MICAL3: variants seen among roughly 807,000 people sequenced by gnomAD.
The protein encoded by MICAL3 is [F-actin]-monooxygenase MICAL3.
A neutral mutation model predicts 207.4 loss-of-function variants in MICAL3; 62 were observed. The ratio of observed to expected loss-of-function variants is 0.30; its 90% CI spans 0.24 to 0.37. The LOEUF (loss-of-function observed/expected upper bound fraction) is 0.37, where lower values mean the gene tolerates loss of function less well. MICAL3 is among the 10% of genes least tolerant of loss of function. The pLI is 1.00. For missense variants in MICAL3, 2,368 were observed against 2,635.6 expected (o/e 0.90, Z 2.22); for synonymous variants, 1,077 against 1,069.3 (o/e 1.01, Z -0.14).
In MICAL3 at chr22:17,988,745, C is replaced by A. The variant is rs142848330; in HGVS notation, c.-75+35536G>T. ...TGCTGGGATTACAGGCATGAGCCAC[C>A]GCGCCTGGCCTGGTGTTTACATTTC... is the stretch of plus-strand genomic sequence containing the variant. On this transcript the variant is annotated intron_variant, in intron 1 of 31. Coordinates refer to ENST00000441493, the MANE Select transcript of MICAL3 (RefSeq NM_015241.3). 7.6e-3 allele frequency among the ~76,000 whole-genome samples: 1,159 copies of A among 152,330 alleles called. 19 individuals are homozygous for A. The highest frequency in any genetic ancestry group is 0.027 in the African/African-American group (1,112 of 41,572).
At chr22:17,958,572 A>G (rs914023329) in intron 1 of MICAL3, among the ~76,000 whole-genome samples, 1 of 152,230 alleles carries the variant, frequency 6.6e-6, no homozygotes. Flanking sequence ...GGCAAGCTGA[A>G]TCATCCGCCC....
At chr22:17,981,307 G>A (rs1213271911) in intron 1 of MICAL3, among the ~76,000 whole-genome samples, 12 of 145,814 alleles carry the variant, frequency 8.2e-5, no homozygotes, top group African/African-American at 3.0e-4. Context: ...TTTTTAATTT[G>A]GTCCAACTCT....
At chr22:17,946,370 C>A (rs759223533) in intron 1 of MICAL3, among the ~76,000 whole-genome samples, 5 of 152,252 alleles carry the variant, frequency 3.3e-5, no homozygotes, top group African/African-American at 7.2e-5. Context: ...GCAACCAGGA[C>A]ACCGCCTGTG....
intron 27 of MICAL3, chr22:17,812,476 C>T (rs182225093): frequency 9.7e-5 from 95 of 983,028 alleles, no homozygotes; most frequent in Non-Finnish European, 1.1e-4. Flanking sequence ...ATGCATGCAA[C>T]GGTGACCAGC....
chr22:17,921,787 C>A (rs966487910), intron 1 of MICAL3, among the ~76,000 whole-genome samples: 18 of 152,192 alleles, frequency 1.2e-4, no homozygotes, highest in Non-Finnish European at 2.2e-4. Context: ...CCGCGCCCGG[C>A]TAGCTGTCCC....
intron 1 of MICAL3, among the ~76,000 whole-genome samples, chr22:17,959,686 TG>T (rs981688077): frequency 1.5e-4 from 23 of 152,196 alleles, no homozygotes; most frequent in Admixed American, 1.3e-3. Context: ...ACTGCCTACG[TG>T]TGGAAAATGG....
chr22:17,991,240 C>A (rs1000444719), intron 1 of MICAL3, among the ~76,000 whole-genome samples: 2 of 152,152 alleles, frequency 1.3e-5, no homozygotes, highest in Admixed American at 1.3e-4. Context: ...TGCCTCTGAG[C>A]CTGCGTGTGT....
chr22:17,847,304 A>G (rs767034011), intron 19 of MICAL3, among the ~76,000 whole-genome samples: 4 of 152,080 alleles, frequency 2.6e-5, no homozygotes, highest in Non-Finnish European at 2.9e-5. Flanking sequence ...TTCCTTCTTT[A>G]TGAGCTTGGG....
rs1924314584 is a variant in MICAL3, at chr22:18,019,705, A to AAAAAAG, written c.-75+4570_-75+4575dup. 1.7e-5 allele frequency: 3 copies of AAAAAAG among 175,414 alleles called. No homozygotes were observed. The Admixed American group carries it at 1.8e-4, about 11-fold the overall frequency. 10.9% of individuals were successfully genotyped at this position (175,414 alleles called of 1,614,324 possible). On this transcript the variant is annotated intron_variant, in intron 1 of 31. Transcript: ENST00000441493. ...GCAAGACTCTGTCTCAAAAATTAAA[A>AAAAAAG]AAAAAGAAAAAGAAAAAAAGGGTGA...
chr22:17,798,851 T>G (rs2061906042), intron 29 of MICAL3, among the ~76,000 whole-genome samples: 1 of 151,792 alleles, frequency 6.6e-6, no homozygotes, highest in Non-Finnish European at 1.5e-5. Flanking sequence ...TTTTTTGTAT[T>G]TTTAGTAGAG....
rs553966312 is a variant in MICAL3 at position 17,935,972 on chromosome 22, T to C, written c.-74-29086A>G. ...GAGAAATAGGAACGCTTTTACACTG[T>C]TGGTGGGAGTGTAAATTGATTCAAC... On this transcript the variant is annotated intron_variant, in intron 1 of 31. Transcript: ENST00000441493. 2.6e-5 allele frequency among the ~76,000 whole-genome samples: 4 copies of C among 152,290 alleles called. 1 individual carries two copies. The South Asian group carries it at 6.2e-4, about 24-fold the overall frequency.
intron 26 of MICAL3, 114 bp downstream of exon 26, chr22:17,817,197 C>T (rs2146006304): frequency 1.5e-6 from 2 of 1,322,718 alleles, no homozygotes; most frequent in East Asian, 2.5e-5. Flanking sequence ...CAGCACGGCT[C>T]CTGAGAACCC....
intron 19 of MICAL3, chr22:17,862,511 C>A (rs112575747): frequency 5.9e-6 from 5 of 844,356 alleles, no homozygotes; most frequent in African/African-American, 1.8e-5. Flanking sequence ...CTGCCCGCCT[C>A]GGCCTCCCAA....
chr22:17,863,421 C>G (rs1926722956), intron 19 of MICAL3: 1 of 985,398 alleles, frequency 1.0e-6, no homozygotes, highest in Non-Finnish European at 1.2e-6. Context: ...GTCTAGACCC[C>G]TTTGGTTATT....
chr22:17,862,097 G>T, intron 19 of MICAL3: 2 of 985,286 alleles, frequency 2.0e-6, no homozygotes. Flanking sequence ...TGGGACGTGG[G>T]TCTAGGGAGG....
chr22:17,842,240 G>C (rs550629026), intron 19 of MICAL3: 56 of 582,690 alleles, frequency 9.6e-5, no homozygotes, highest in Middle Eastern at 9.1e-4. Context: ...CTCCAGGTCA[G>C]AGCGTTCTCT....
rs1200766284 is a variant in MICAL3 at position 17,832,045 on chromosome 22, G to T, written c.2864C>A (p.Pro955Gln). Residue 955 changes from proline (P) to glutamine (Q), a missense_variant, in exon 21 of 32, where the codon CCA becomes CAA. Around this residue, in one of 4 missense-constraint regions of MICAL3, gnomAD observed 1,770 missense variants for 1,863.2 expected, o/e 0.95. Transcript: ENST00000441493. ...EEEEEEPRLP[P>Q]SDLGGVPWKE... is the part of the protein sequence containing the mutation. ...CCACGGAACACCACCCAGGTCAGATGGGGGCAGGCGAGGCTCCTCCTCCTC... is the reference window on the plus strand; with the variant it reads ...CCACGGAACACCACCCAGGTCAGATTGGGGCAGGCGAGGCTCCTCCTCCTC... 1.2e-6 allele frequency: 2 copies of T among 1,602,724 alleles called. No individual in the cohort carries two copies. The highest frequency in any genetic ancestry group is 2.2e-5 in the East Asian group (1 of 44,516).
chr22:17,889,332 A>T, intron 12 of MICAL3, 102 bp from the exon 13 acceptor site: 1 of 840,904 alleles, frequency 1.2e-6, no homozygotes, highest in Non-Finnish European at 1.9e-6. Flanking sequence ...TTCAGCTAAA[A>T]TCCAGGGTGC....
rs994168496 is a variant in MICAL3, at chr22:17,790,119, G to T, written c.*613C>A. 1.3e-5 allele frequency: 2 copies of T among 152,234 alleles called. No homozygotes were observed. Among genetic ancestry groups the T allele is most frequent in the African/African-American group, 4.8e-5 (2 of 41,410 alleles). 9.4% of individuals were successfully genotyped at this position (152,234 alleles called of 1,614,324 possible). Reference sequence around the variant, plus strand: ...CGGCCCAGGCATTTGGCCACTTAGGGTCCAGTGTGTGGTGTTCGGCTGGAG... The same window carrying T: ...CGGCCCAGGCATTTGGCCACTTAGGTTCCAGTGTGTGGTGTTCGGCTGGAG... On this transcript the variant is annotated 3_prime_UTR_variant, in exon 32 of 32. Transcript: ENST00000441493.
Sources: gnomAD v4.1 joint callset for allele counts (sites outside exome capture counted in the v4.1 genomes callset) on GRCh38, gnomAD v4.1.1 for gene constraint, gnomAD v4.1.1 regional missense constraint, MANE v1.5 for transcripts, NCBI Gene and HGNC (gene_info 2026-07-23, HGNC 2026-07-21) for gene names.